The following GTF2IRD1 variants were observed in gnomAD, a reference collection of about 807,000 sequenced individuals.
GTF2IRD1 encodes the protein GTF2I repeat domain containing 1.
A neutral mutation model predicts 113.2 loss-of-function variants in GTF2IRD1; 26 were observed. The ratio of observed to expected loss-of-function variants is 0.23; its 90% confidence interval spans 0.17 to 0.32. The LOEUF is 0.32. Ranked by LOEUF, GTF2IRD1 falls within the 10% of genes least tolerant of loss-of-function variation. The pLI, the probability that GTF2IRD1 is intolerant of heterozygous loss-of-function variation, is 1.00. For synonymous variants in GTF2IRD1, 484 were observed against 529.1 expected (o/e 0.91, Z 1.17); for missense variants, 864 against 1,280.8 (o/e 0.67, Z 4.97).
intron 8 of GTF2IRD1, among the ~76,000 whole-genome samples, chr7:74,524,397 G>C (rs907916571): frequency 6.6e-6 from 1 of 152,166 alleles, no homozygotes; most frequent in Admixed American, 6.5e-5. Context: ...CCTGGGCTCA[G>C]TGGCGGGGAG....
intron 17 of GTF2IRD1, among the ~76,000 whole-genome samples, chr7:74,551,527 G>A (rs1799306611): frequency 6.6e-6 from 1 of 152,172 alleles, no homozygotes; most frequent in African/African-American, 2.4e-5. Context: ...AGAGATAACT[G>A]CTGTGACAGG....
rs1474433542 is a variant in GTF2IRD1 at position 74,571,019 on chromosome 7, T to G, written c.2320+11364T>G. On this transcript the variant is annotated intron_variant, in intron 22 of 26. Transcript: ENST00000424337. ...GGCTCTCCCCGGACCCAGGCCAGCT[T>G]CCGCTCCTTTTAGTTCTCCTCTCAC... 4.8e-6 allele frequency: 4 copies of G among 834,154 alleles called. No individual in the cohort carries two copies. The African/African-American group carries it at 5.5e-5, about 12-fold the overall frequency. The allele number at this position is 834,154 out of a possible 1,614,324, so 51.7% of individuals were successfully genotyped here. A position where few individuals can be genotyped will look rare whatever the true frequency, so the allele number is the denominator to read the frequency against.
intron 4 of GTF2IRD1, among the ~76,000 whole-genome samples, chr7:74,517,016 G>GT (rs1164526506): frequency 2.5e-5 from 3 of 118,460 alleles, no homozygotes; most frequent in Non-Finnish European, 3.9e-5. Context: ...TGTTGTTGTT[G>GT]TTGTTGTTGT....
In GTF2IRD1 at chr7:74,521,257, C is replaced by T. The variant is rs139524001; in HGVS notation, c.966C>T (p.Ala322=). 1,201 of 1,612,126 alleles carry T rather than the reference C, an allele frequency of 7.4e-4. 12 individuals carry two copies. The African/African-American group carries it at 0.012, about 16-fold the overall frequency. Residue 322 remains alanine, a synonymous_variant, in exon 7 of 27, where the codon GCC becomes GCT. Transcript: ENST00000424337. ...PGGPLIQNVH[A]SKRILFSIVH... The stretch of plus-strand genomic sequence containing the variant: ...GGCCTCTCATCCAGAACGTCCATGC[C>T]TCCAAGCGCATTCTCTTCTCCATCG...
chr7:74,599,921 C>T (rs1554373426), intron 25 of GTF2IRD1, among the ~76,000 whole-genome samples: 1 of 152,134 alleles, frequency 6.6e-6, no homozygotes, highest in African/African-American at 2.4e-5. Flanking sequence ...CCCCTCACAG[C>T]CTTAAAGAGC....
intron 9 of GTF2IRD1, among the ~76,000 whole-genome samples, chr7:74,534,835 G>A (rs1554349811): frequency 2.0e-5 from 3 of 152,040 alleles, no homozygotes; most frequent in Non-Finnish European, 4.4e-5. Flanking sequence ...CCCTGGAGGC[G>A]GAGGTTGCCG....
intron 1 of GTF2IRD1, among the ~76,000 whole-genome samples, chr7:74,492,676 T>C (rs1445639006): frequency 3.3e-5 from 5 of 152,090 alleles, no homozygotes; most frequent in Non-Finnish European, 7.4e-5. Flanking sequence ...AAGAGAAATT[T>C]CTATTCTCAC....
At chr7:74,578,735 T>C (rs2355318) in intron 22 of GTF2IRD1, among the ~76,000 whole-genome samples, 99,434 of 152,050 alleles carry the variant, frequency 0.65, 32,738 homozygotes, top group East Asian at 0.89. Flanking sequence ...ATGGCTCATG[T>C]CTGTAAACCC....
At chr7:74,583,121 G>C (rs1801512827) in intron 22 of GTF2IRD1, among the ~76,000 whole-genome samples, 1 of 152,176 alleles carries the variant, frequency 6.6e-6, no homozygotes, top group Non-Finnish European at 1.5e-5. Flanking sequence ...CACAGACAAG[G>C]TATATTGTGG....
At chr7:74,583,053 GCTACAGAGAAAAATCAGTGTT>G (rs1165662947) in intron 22 of GTF2IRD1, among the ~76,000 whole-genome samples, 1 of 152,038 alleles carries the variant, frequency 6.6e-6, no homozygotes, top group African/African-American at 2.4e-5. Context: ...TGCAAGAACA[GCTACAGAGAAAAATCAGTGTT>G]CTTCCTGAGC....
chr7:74,508,791 G>A (rs895282162), intron 2 of GTF2IRD1, among the ~76,000 whole-genome samples: 6 of 152,014 alleles, frequency 3.9e-5, no homozygotes, highest in Admixed American at 3.3e-4. Flanking sequence ...TTTGTCCCTG[G>A]GATGAACCAC....
At chr7:74,596,544 G>A (rs1802427424) in intron 25 of GTF2IRD1, among the ~76,000 whole-genome samples, 1 of 151,968 alleles carries the variant, frequency 6.6e-6, no homozygotes, top group Non-Finnish European at 1.5e-5. Flanking sequence ...TTGGGAGTCT[G>A]AGGTGGAAGA....
At chr7:74,493,403 G>A (rs1562799458) in intron 1 of GTF2IRD1, among the ~76,000 whole-genome samples, 1 of 151,628 alleles carries the variant, frequency 6.6e-6, no homozygotes, top group East Asian at 2.0e-4. Flanking sequence ...GAGCTACCGC[G>A]CCCGGCCATG....
intron 4 of GTF2IRD1, 62 bp downstream of exon 4, chr7:74,515,658 C>G: frequency 6.7e-7 from 1 of 1,487,022 alleles, no homozygotes; most frequent in Non-Finnish European, 9.1e-7. Flanking sequence ...GGTCCCCACC[C>G]AGCAGAGGGG....
chr7:74,463,728 G>GT lies in GTF2IRD1; in HGVS notation c.-7+9565dup, dbSNP rs1175596736. On this transcript the variant is annotated intron_variant, in intron 1 of 26. Transcript: ENST00000424337. ...CAGAGTAGGACCACTGTTGTTTTTTGTTTTTTTTTTTTTGAGACAGAGTCT... is the reference window on the plus strand; with the variant it reads ...CAGAGTAGGACCACTGTTGTTTTTTGTTTTTTTTTTTTTTGAGACAGAGTCT... Among the ~76,000 whole-genome samples, 384 of 134,606 alleles carry GT rather than the reference G, an allele frequency of 2.9e-3. 2 individuals carry two copies. The highest frequency in any genetic ancestry group is 0.01 in the South Asian group (42 of 4,062). 88.3% of individuals were successfully genotyped at this position (134,606 alleles called of 152,430 possible). A position where few individuals can be genotyped will look rare whatever the true frequency, so the allele number is the denominator to read the frequency against.
chr7:74,529,922 G>T lies in GTF2IRD1; in HGVS notation c.1274+5G>T. The T allele has an allele frequency of 1.2e-6, 2 of 1,608,564 alleles. No homozygotes were observed. The highest frequency in any genetic ancestry group is 1.7e-6 in the Non-Finnish European group (2 of 1,176,050). On this transcript the variant is annotated splice_donor_5th_base_variant and intron_variant, in intron 9 of 26. Coordinates refer to ENST00000424337, the MANE Select transcript of GTF2IRD1 (RefSeq NM_005685.4). ...TATCCACTTCATCATTAAGAGGTGC[G>T]GGTGGGGCTGGGCGCAGTGGCTCAT... is the stretch of plus-strand genomic sequence containing the variant.
Position 74,555,339 on chromosome 7 carries a change from T to A in GTF2IRD1, c.1967-99T>A. ...CCTGCTCCCATCCTGGCCCTGGCATTCTCCCCACACCCCCACATTGGGTTT... is the reference window on the plus strand; with the variant it reads ...CCTGCTCCCATCCTGGCCCTGGCATACTCCCCACACCCCCACATTGGGTTT... On this transcript the variant is annotated intron_variant, in intron 18 of 26. Coordinates refer to ENST00000424337, the MANE Select transcript of GTF2IRD1 (RefSeq NM_005685.4). This position sits in a 1 kb window ranked among gnomAD's most constrained non-coding sequence, Gnocchi z 5.3. The A allele has an allele frequency of 6.8e-7, 1 of 1,461,134 alleles. No individual in the cohort carries two copies. The highest frequency in any genetic ancestry group is 9.6e-7 in the Non-Finnish European group (1 of 1,042,404). The allele number at this position is 1,461,134 out of a possible 1,614,324, so 90.5% of individuals were successfully genotyped here.
At chr7:74,570,418 G>A (rs1277847570) in intron 22 of GTF2IRD1, among the ~76,000 whole-genome samples, 4 of 150,800 alleles carry the variant, frequency 2.7e-5, no homozygotes, top group South Asian at 2.1e-4. Context: ...CCAGCACTTC[G>A]GGAGGCCAAG....
intron 1 of GTF2IRD1, among the ~76,000 whole-genome samples, chr7:74,458,577 TG>T (rs1306559263): frequency 6.6e-6 from 1 of 152,060 alleles, no homozygotes; most frequent in Non-Finnish European, 1.5e-5. Context: ...AGAGGGGCTT[TG>T]GCCTGTAGGG....
Sources: gnomAD v4.1 joint callset for allele counts (sites outside exome capture counted in the v4.1 genomes callset) on GRCh38, gnomAD v4.1.1 for gene constraint, Gnocchi (gnomAD v3.1) non-coding constraint, MANE v1.5 for transcripts, NCBI Gene and HGNC (gene_info 2026-07-23, HGNC 2026-07-21) for gene names.